The following SLC35F2 variants were observed in gnomAD, a reference collection of about 807,000 sequenced individuals.
SLC35F2 encodes solute carrier family 35 member F2.
In SLC35F2, 25 loss-of-function variants were observed where a neutral mutation model predicts 38.1. The ratio of observed to expected loss-of-function variants is 0.66; its 90% CI spans 0.48 to 0.92. The LOEUF is 0.92. SLC35F2 is among the 40% of genes least tolerant of loss of function. The probability of loss-of-function intolerance (pLI) is 0.00; values close to 1 mark genes in which losing one functional copy is unlikely to be tolerated. For missense variants in SLC35F2, 409 were observed against 452.9 expected (o/e 0.90, Z 0.88); for synonymous variants, 173 against 181.7 (o/e 0.95, Z 0.38).
intron 1 of SLC35F2, among the ~76,000 whole-genome samples, chr11:107,855,326 A>G (rs1397285006): frequency 3.9e-5 from 6 of 152,172 alleles, no homozygotes; most frequent in Non-Finnish European, 8.8e-5. Flanking sequence ...TGGTAGATAT[A>G]AAAAAGAAAA....
intron 1 of SLC35F2, among the ~76,000 whole-genome samples, chr11:107,852,876 A>C (rs77544627): frequency 2.4e-5 from 1 of 41,994 alleles, no homozygotes; most frequent in East Asian, 5.1e-4. Flanking sequence ...CTCCATCTCA[A>C]AAAAAAAAAA....
Position 107,853,586 on chromosome 11 carries a change from G to A in SLC35F2, c.110+5072C>T, listed in dbSNP as rs554632040. On this transcript the variant is annotated intron_variant, in intron 1 of 7. Coordinates refer to ENST00000525815, the MANE Select transcript of SLC35F2 (RefSeq NM_017515.5). ...ACAAAAAAAATTAGCCGGGCGTGGT[G>A]GTGGGCGCCTGTAGTCCCAGCTACT... is the stretch of plus-strand genomic sequence containing the variant. Among the ~76,000 whole-genome samples the A allele has an allele frequency of 2.0e-3, 305 of 151,928 alleles. 1 individual carries two copies. Among genetic ancestry groups the A allele is most frequent in the African/African-American group, 7.1e-3 (295 of 41,386 alleles).
intron 1 of SLC35F2, among the ~76,000 whole-genome samples, chr11:107,826,572 A>G (rs1465694340): frequency 6.6e-6 from 1 of 152,210 alleles, no homozygotes; most frequent in Non-Finnish European, 1.5e-5. Flanking sequence ...AGTTGTGTAT[A>G]GGGAGGACAG....
chr11:107,853,764 T>C (rs1451785602), intron 1 of SLC35F2, among the ~76,000 whole-genome samples: 3 of 144,290 alleles, frequency 2.1e-5, no homozygotes, highest in Non-Finnish European at 4.6e-5. Context: ...GAATAAACCA[T>C]GTCCAGCACT....
At chr11:107,813,864 C>T (rs910968024) in intron 2 of SLC35F2, among the ~76,000 whole-genome samples, 1 of 152,084 alleles carries the variant, frequency 6.6e-6, no homozygotes, top group African/African-American at 2.4e-5. Flanking sequence ...GGAGTTTCAT[C>T]GTGTTGCCCA....
Position 107,803,068 on chromosome 11 carries a change from A to T in SLC35F2, c.872T>A (p.Val291Asp). The change falls in exon 7 of 8, where the codon GTC becomes GAC. Residue 291 changes from valine (V) to aspartate (D), a missense_variant. By Grantham distance (152) the Val-to-Asp change is radical. Transcript: ENST00000525815. Reference sequence around the variant, plus strand: ...GTCCGCTGTCAGGATGCCCAGGTTGACGGAAGTGGCACTAGTGACTTTAAT... The same window carrying T: ...GTCCGCTGTCAGGATGCCCAGGTTGTCGGAAGTGGCACTAGTGACTTTAAT... ...LVIKVTSATS[V>D]NLGILTADLY... 1 of 1,614,110 alleles carries T rather than the reference A, an allele frequency of 6.2e-7. No homozygotes were observed.
intron 3 of SLC35F2, among the ~76,000 whole-genome samples, chr11:107,807,582 T>TA (rs552701998): frequency 6.8e-4 from 101 of 149,534 alleles, no homozygotes; most frequent in East Asian, 3.7e-3. Context: ...TTATTATTAT[T>TA]TTTTTTTTGA....
intron 1 of SLC35F2, among the ~76,000 whole-genome samples, chr11:107,849,641 G>GAAAAAAAAA (rs59636290): frequency 7.2e-6 from 1 of 138,592 alleles, no homozygotes. Context: ...TCCGTTTTGG[G>GAAAAAAAAA]AAAAAAAAAA....
intron 1 of SLC35F2, among the ~76,000 whole-genome samples, chr11:107,842,257 CAAAAAAAAAAAAAA>C (rs541185009): frequency 5.3e-5 from 2 of 37,902 alleles, no homozygotes; most frequent in African/African-American, 2.4e-4. Context: ...CTCCGTCTCA[CAAAAAAAAAAAAAA>C]AAAAAAAAAA....
chr11:107,807,870 T>G (rs543277955), intron 3 of SLC35F2, among the ~76,000 whole-genome samples: 1 of 152,272 alleles, frequency 6.6e-6, no homozygotes, highest in South Asian at 2.1e-4. Flanking sequence ...CCACCACGCC[T>G]GGCCCTGTGT....
Position 107,842,906 on chromosome 11 carries a change from C to A in SLC35F2, c.110+15752G>T, listed in dbSNP as rs140953783. ...ACAATAGCAAAAAACCCGGAAAAAA[C>A]CCAAATGCCCATCAACAGCATGAAT... On this transcript the variant is annotated intron_variant, in intron 1 of 7. Transcript: ENST00000525815. 6.8e-4 allele frequency among the ~76,000 whole-genome samples: 103 copies of A among 152,220 alleles called. 1 individual carries two copies. Among genetic ancestry groups the A allele is most frequent in the African/African-American group, 2.3e-3 (96 of 41,536 alleles).
At chr11:107,833,510 C>T (rs907184890) in intron 1 of SLC35F2, among the ~76,000 whole-genome samples, 19 of 120,132 alleles carry the variant, frequency 1.6e-4, no homozygotes, top group African/African-American at 6.3e-4. Context: ...CAGAGTGAGA[C>T]TCTGTCTCAA....
chr11:107,815,583 A>AC (rs1364205417), intron 2 of SLC35F2, among the ~76,000 whole-genome samples: 1 of 150,894 alleles, frequency 6.6e-6, no homozygotes, highest in Admixed American at 6.6e-5. Flanking sequence ...CAACAACAAC[A>AC]ACACACACAC....
chr11:107,857,310 GGAGAGAGGGAAGGAAGGAAGGAAGGA>G (rs1860309820), intron 1 of SLC35F2, among the ~76,000 whole-genome samples: 1 of 147,220 alleles, frequency 6.8e-6, no homozygotes, highest in Non-Finnish European at 1.5e-5. Context: ...AACGAAGGAA[GGAGAGAGGGAAGGAAGGAAGGAAGGA>G]GAGAGAGGGA....
intron 1 of SLC35F2, among the ~76,000 whole-genome samples, chr11:107,836,957 G>A (rs1042606689): frequency 6.6e-6 from 1 of 152,050 alleles, no homozygotes; most frequent in East Asian, 1.9e-4. Context: ...CAAATAAAGA[G>A]TCTATTAAAA....
intron 1 of SLC35F2, among the ~76,000 whole-genome samples, chr11:107,842,253 C>G (rs1860023147): frequency 3.4e-4 from 1 of 2,932 alleles, no homozygotes; most frequent in Non-Finnish European, 5.8e-4. Flanking sequence ...GAGACTCCGT[C>G]TCACAAAAAA....
intron 7 of SLC35F2, among the ~76,000 whole-genome samples, chr11:107,794,602 G>A (rs1204234714): frequency 6.6e-6 from 1 of 152,122 alleles, no homozygotes; most frequent in African/African-American, 2.4e-5. Context: ...ACATCATACT[G>A]AATGGGGAAA....
At chr11:107,796,603 G>A (rs1859220532) in intron 7 of SLC35F2, among the ~76,000 whole-genome samples, 1 of 152,176 alleles carries the variant, frequency 6.6e-6, no homozygotes, top group African/African-American at 2.4e-5. Flanking sequence ...AGCATAGAAT[G>A]ACAGATATCA....
At chr11:107,846,160 G>C (rs1246274835) in intron 1 of SLC35F2, among the ~76,000 whole-genome samples, 1 of 151,440 alleles carries the variant, frequency 6.6e-6, no homozygotes, top group Non-Finnish European at 1.5e-5. Flanking sequence ...TGTTAATACA[G>C]TAGAAATCAT....
Sources: allele counts gnomAD v4.1 joint callset (sites outside exome capture counted in the v4.1 genomes callset), GRCh38; gene constraint gnomAD v4.1.1; transcripts MANE v1.5; gene names NCBI Gene and HGNC (gene_info 2026-07-23, HGNC 2026-07-21).